The following MARCHF1 variants were observed in gnomAD, a reference collection of about 807,000 sequenced individuals.
MARCHF1 encodes the protein membrane associated ring-CH-type finger 1.
Under a neutral mutation model 54.2 loss-of-function variants are expected in MARCHF1, and 40 were observed. The ratio of observed to expected loss-of-function variants is 0.74; its 90% confidence interval spans 0.57 to 0.96. MARCHF1 has a LOEUF of 0.96. MARCHF1 is among the 40% of genes least tolerant of loss of function. The pLI is 0.00. For missense variants in MARCHF1, 586 were observed against 656.5 expected, an observed-to-expected ratio of 0.89 and a Z score of 1.17; for synonymous variants, 236 against 236.3, an observed-to-expected ratio of 1.00 and a Z score of 0.01.
chr4:164,216,408 G>A (rs1404335776), intron 1 of MARCHF1, among the ~76,000 whole-genome samples: 1 of 152,076 alleles, frequency 6.6e-6, no homozygotes. Flanking sequence ...AGTCTCATCA[G>A]TACTTCATTA....
At chr4:164,095,179 C>G (rs898678520) in intron 2 of MARCHF1, among the ~76,000 whole-genome samples, 1 of 152,056 alleles carries the variant, frequency 6.6e-6, no homozygotes, top group Non-Finnish European at 1.5e-5. Flanking sequence ...GCTCAGACTT[C>G]AAGCCCAGAA....
At chr4:164,060,839 T>C (rs1754600402) in intron 2 of MARCHF1, among the ~76,000 whole-genome samples, 2 of 152,198 alleles carry the variant, frequency 1.3e-5, no homozygotes, top group Admixed American at 6.5e-5. Context: ...TTCTGTACCA[T>C]GTATTATTAT....
chr4:164,304,887 C>A (rs537632403), intron 1 of MARCHF1, among the ~76,000 whole-genome samples: 1 of 152,130 alleles, frequency 6.6e-6, no homozygotes, highest in South Asian at 2.1e-4. Flanking sequence ...AAGAAGGAAG[C>A]GAAGTATAGT....
intron 4 of MARCHF1, among the ~76,000 whole-genome samples, chr4:163,779,860 C>T (rs141659707): frequency 6.6e-6 from 1 of 152,256 alleles, no homozygotes; most frequent in African/African-American, 2.4e-5. Context: ...GATCCATCCC[C>T]TGGGCAAAAC....
rs139019642 is a variant in MARCHF1, at chr4:164,013,314, A to C, written c.-247-24605T>G. ...CTGATCAAGCAAGAAAGAATTAATGAGCTCAAAGATAGGTTATATCAATAT... is the reference window on the plus strand; with the variant it reads ...CTGATCAAGCAAGAAAGAATTAATGCGCTCAAAGATAGGTTATATCAATAT... On this transcript the variant is annotated intron_variant, in intron 2 of 9. Coordinates refer to ENST00000514618, the MANE Select transcript of MARCHF1 (RefSeq NM_001394959.1). 7.1e-3 allele frequency among the ~76,000 whole-genome samples: 1,088 copies of C among 152,304 alleles called. 41 individuals are homozygous for C. Among genetic ancestry groups the C allele is most frequent in the Admixed American group, 0.058 (881 of 15,292 alleles).
chr4:164,342,268 C>T (rs1729951540), intron 1 of MARCHF1, among the ~76,000 whole-genome samples: 1 of 152,140 alleles, frequency 6.6e-6, no homozygotes, highest in Admixed American at 6.6e-5. Context: ...TATCACCTCA[C>T]ACCTGTTAAG....
chr4:163,587,422 GAATACTATGCAGCCATAAAAAGAATGA>G (rs1216935818), intron 7 of MARCHF1, among the ~76,000 whole-genome samples: 1 of 152,146 alleles, frequency 6.6e-6, no homozygotes, highest in East Asian at 1.9e-4. Flanking sequence ...TTACGCCATG[GAATACTATGCAGCCATAAAAAGAATGA>G]AATCATGTCT....
intron 4 of MARCHF1, among the ~76,000 whole-genome samples, chr4:163,826,161 A>G (rs1399391033): frequency 6.6e-6 from 1 of 152,042 alleles, no homozygotes; most frequent in Non-Finnish European, 1.5e-5. Context: ...TAATTTACTT[A>G]CCTATTAATT....
intron 1 of MARCHF1, among the ~76,000 whole-genome samples, chr4:164,297,049 T>C (rs540420072): frequency 2.6e-5 from 4 of 152,300 alleles, no homozygotes; most frequent in Admixed American, 2.6e-4. Context: ...TAAAATAAAA[T>C]AATAATTTCT....
intron 1 of MARCHF1, among the ~76,000 whole-genome samples, chr4:164,275,165 T>A (rs949861920): frequency 1.3e-5 from 2 of 151,802 alleles, no homozygotes; most frequent in African/African-American, 2.4e-5. Flanking sequence ...ATATAGTAAC[T>A]ACATACCAAC....
At chr4:164,042,790 C>T (rs1754156269) in intron 2 of MARCHF1, among the ~76,000 whole-genome samples, 1 of 152,182 alleles carries the variant, frequency 6.6e-6, no homozygotes, top group Non-Finnish European at 1.5e-5. Context: ...TAGTTAGTTA[C>T]TTCCAAGATA....
intron 5 of MARCHF1, among the ~76,000 whole-genome samples, chr4:163,696,430 G>A (rs1239035528): frequency 1.3e-5 from 2 of 152,038 alleles, no homozygotes; most frequent in Non-Finnish European, 2.9e-5. Context: ...ACCTTGATGG[G>A]TTCTAGATCA....
chr4:164,086,856 C>A (rs1408787157), intron 2 of MARCHF1, among the ~76,000 whole-genome samples: 1 of 151,906 alleles, frequency 6.6e-6, no homozygotes, highest in Non-Finnish European at 1.5e-5. Flanking sequence ...GAAGAAAACA[C>A]CTGTCAAGTG....
Position 164,241,145 on chromosome 4 carries a change from G to A in MARCHF1, c.-322-129483C>T, listed in dbSNP as rs189878795. On this transcript the variant is annotated intron_variant, in intron 1 of 9. Coordinates refer to ENST00000514618, the MANE Select transcript of MARCHF1 (RefSeq NM_001394959.1). ...TCGTACCAAGGAACTGACTCAACTC[G>A]CCCTGTGACCCCCTCACCCAGAAAC... Among the ~76,000 whole-genome samples the A allele has an allele frequency of 3.4e-3, 518 of 151,964 alleles. 1 individual carries two copies. The highest frequency in any genetic ancestry group is 5.5e-3 in the Non-Finnish European group (377 of 67,966).
chr4:163,682,490 G>A (rs563467849), intron 5 of MARCHF1, among the ~76,000 whole-genome samples: 3 of 152,248 alleles, frequency 2.0e-5, no homozygotes, highest in Non-Finnish European at 2.9e-5. Flanking sequence ...TTAGTGCCGC[G>A]GGCCCAGGGA....
chr4:163,660,787 C>G (rs1483394661), intron 5 of MARCHF1, among the ~76,000 whole-genome samples: 2 of 151,966 alleles, frequency 1.3e-5, no homozygotes, highest in Non-Finnish European at 2.9e-5. Flanking sequence ...TGTGAATAAA[C>G]ACTCTGTATG....
intron 4 of MARCHF1, among the ~76,000 whole-genome samples, chr4:163,732,047 G>T (rs550954779): frequency 2.0e-4 from 30 of 152,176 alleles, no homozygotes; most frequent in Non-Finnish European, 4.3e-4. Flanking sequence ...TAATTACTAG[G>T]TATGCAAAGA....
intron 3 of MARCHF1, among the ~76,000 whole-genome samples, chr4:163,969,394 C>A (rs1449087869): frequency 6.6e-6 from 1 of 152,004 alleles, no homozygotes; most frequent in African/African-American, 2.4e-5. Context: ...TCAAAGAGAT[C>A]CTTGTCAGTG....
chr4:163,758,666 T>C (rs1453470237), intron 4 of MARCHF1, among the ~76,000 whole-genome samples: 1 of 152,202 alleles, frequency 6.6e-6, no homozygotes. Context: ...ATACACATGT[T>C]GTAACTTTTA....
Sources: gnomAD v4.1 joint callset for allele counts (sites outside exome capture counted in the v4.1 genomes callset) on GRCh38, gnomAD v4.1.1 for gene constraint, MANE v1.5 for transcripts, NCBI Gene and HGNC (gene_info 2026-07-23, HGNC 2026-07-21) for gene names.